GFRA1: variants seen among roughly 807,000 people sequenced by gnomAD.
The protein encoded by GFRA1 is GDNF family receptor alpha-1.
Under a neutral mutation model 51.6 loss-of-function variants are expected in GFRA1, and 16 were observed. The observed-to-expected ratio is 0.31, with a 90% CI of 0.21 to 0.47. GFRA1 has a LOEUF of 0.47. GFRA1 is among the 20% of genes least tolerant of loss of function. The pLI, the probability that GFRA1 is intolerant of heterozygous loss-of-function variation, is 1.00. For synonymous variants in GFRA1, 270 were observed against 241.3 expected (o/e 1.12, Z -1.10); for missense variants, 530 against 594.3 (o/e 0.89, Z 1.13).
At chr10:116,083,103 G>C (rs1010821752) in intron 9 of GFRA1, among the ~76,000 whole-genome samples, 6 of 152,228 alleles carry the variant, frequency 3.9e-5, no homozygotes, top group African/African-American at 1.4e-4. Context: ...AGGCGAGCCA[G>C]GATTCTCACT....
intron 4 of GFRA1, among the ~76,000 whole-genome samples, chr10:116,250,977 A>G (rs879416879): frequency 1.2e-4 from 18 of 152,336 alleles, no homozygotes; most frequent in Admixed American, 1.2e-3. Context: ...GGTGCTCAGA[A>G]TGGCCAGTTC....
intron 5 of GFRA1, among the ~76,000 whole-genome samples, chr10:116,186,168 G>A (rs1186478025): frequency 1.3e-5 from 2 of 152,128 alleles, no homozygotes; most frequent in Admixed American, 6.5e-5. Context: ...AGCCCCCAGC[G>A]CTCACCGGAG....
chr10:116,227,424 C>A (rs760150852), intron 4 of GFRA1, among the ~76,000 whole-genome samples: 4 of 152,194 alleles, frequency 2.6e-5, no homozygotes, highest in Non-Finnish European at 5.9e-5. Flanking sequence ...GTGGCACAGC[C>A]ATGATTCAAA....
At chr10:116,077,840 C>G (rs953331360) in intron 9 of GFRA1, among the ~76,000 whole-genome samples, 2 of 152,188 alleles carry the variant, frequency 1.3e-5, no homozygotes, top group Non-Finnish European at 2.9e-5. Flanking sequence ...CTGCCTTTTG[C>G]CAAGTTCCTG....
chr10:116,254,875 G>C (rs1243345485), intron 4 of GFRA1, among the ~76,000 whole-genome samples: 2 of 152,174 alleles, frequency 1.3e-5, no homozygotes, highest in South Asian at 4.1e-4. Flanking sequence ...AAACCCCAAA[G>C]GAAGTCGTTT....
intron 4 of GFRA1, among the ~76,000 whole-genome samples, chr10:116,251,061 G>A (rs1045006271): frequency 6.6e-6 from 1 of 152,200 alleles, no homozygotes; most frequent in Non-Finnish European, 1.5e-5. Context: ...GTGTAAAAGG[G>A]TCCCCTTCTC....
intron 9 of GFRA1, among the ~76,000 whole-genome samples, chr10:116,084,494 TG>T (rs1376290632): frequency 6.6e-6 from 1 of 152,158 alleles, no homozygotes; most frequent in Non-Finnish European, 1.5e-5. Context: ...CTGCTCGCCC[TG>T]GGGCTGAGCG....
chr10:116,263,244 G>A lies in GFRA1; in HGVS notation c.418+6259C>T, dbSNP rs1421157433. Among the ~76,000 whole-genome samples, 10 of 152,196 alleles carry A rather than the reference G, an allele frequency of 6.6e-5. No homozygotes were observed. The East Asian group carries it at 1.9e-3, about 29-fold the overall frequency. On this transcript the variant is annotated intron_variant, in intron 4 of 10. Transcript: ENST00000355422. ...ATTCTCTGATGGGGCAATGTGGTCT[G>A]CTGAAAAGAGTCCCAGTCTTGAGTC...
At chr10:116,181,618 A>C (rs914058485) in intron 5 of GFRA1, among the ~76,000 whole-genome samples, 5 of 140,664 alleles carry the variant, frequency 3.6e-5, no homozygotes, top group African/African-American at 1.3e-4. Context: ...ATACACAAAA[A>C]TATGAGGTTT....
intron 6 of GFRA1, among the ~76,000 whole-genome samples, chr10:116,106,965 C>T (rs1010553623): frequency 4.6e-5 from 7 of 152,186 alleles, no homozygotes; most frequent in Admixed American, 3.9e-4. Flanking sequence ...CACCGGCAAT[C>T]GCTTTGCCTA....
intron 9 of GFRA1, among the ~76,000 whole-genome samples, chr10:116,082,745 TG>T (rs1955905153): frequency 6.6e-6 from 1 of 152,200 alleles, no homozygotes; most frequent in African/African-American, 2.4e-5. Flanking sequence ...CCCAAAGTGC[TG>T]GGATTACAGG....
At chr10:116,140,538 T>C (rs768970376) in intron 5 of GFRA1, among the ~76,000 whole-genome samples, 23 of 152,102 alleles carry the variant, frequency 1.5e-4, no homozygotes, top group Non-Finnish European at 2.5e-4. Context: ...TGTAAAAAAA[T>C]TGAAAATTAA....
intron 4 of GFRA1, chr10:116,255,507 C>CAAAA: frequency 7.9e-6 from 5 of 636,794 alleles, no homozygotes; most frequent in South Asian, 6.9e-5. Context: ...AAAAAAAAAA[C>CAAAA]AAAAAAAAAA....
At position 116,214,281 on chromosome 10, in the gene GFRA1, G is replaced by A. The variant is rs1279342039; in HGVS notation, c.419-2636C>T. On this transcript the variant is annotated intron_variant, in intron 4 of 10. Coordinates refer to ENST00000355422, the MANE Select transcript of GFRA1 (RefSeq NM_005264.8). ...TCTGTGCTCCTGGAGTAATTTGTGC[G>A]TGTTGCAATTATAGCTCATATTATA... Among the ~76,000 whole-genome samples the A allele has an allele frequency of 3.9e-5, 6 of 152,156 alleles. No individual in the cohort carries two copies. In the South Asian group the frequency reaches 8.3e-4, roughly 21 times the overall value.
chr10:116,264,501 C>T (rs568124436), intron 4 of GFRA1, among the ~76,000 whole-genome samples: 1 of 152,288 alleles, frequency 6.6e-6, no homozygotes, highest in African/African-American at 2.4e-5. Context: ...TAAATAAGTC[C>T]TCTTGATATG....
At chr10:116,173,871 GTT>G (rs1961301534) in intron 5 of GFRA1, among the ~76,000 whole-genome samples, 14 of 96,796 alleles carry the variant, frequency 1.4e-4, no homozygotes, top group Non-Finnish European at 2.5e-4. Context: ...AAGGTCGGGA[GTT>G]CGATCGAGAC....
At chr10:116,244,998 T>C (rs896112858) in intron 4 of GFRA1, among the ~76,000 whole-genome samples, 2 of 152,168 alleles carry the variant, frequency 1.3e-5, no homozygotes, top group Admixed American at 6.5e-5. Context: ...AAACAATAGT[T>C]AGACATTCTA....
At position 116,076,097 on chromosome 10, in the gene GFRA1, T is replaced by G. The variant is rs540851432; in HGVS notation, c.1198-10471A>C. Among the ~76,000 whole-genome samples, 183 of 152,022 alleles carry G rather than the reference T, an allele frequency of 1.2e-3. 1 individual carries two copies. The highest frequency in any genetic ancestry group is 2.3e-3 in the Non-Finnish European group (158 of 68,022). On this transcript the variant is annotated intron_variant, in intron 9 of 10. Transcript: ENST00000355422. Reference sequence around the variant, plus strand: ...ACTGGAGCAAAACAAAGGACGGTATTGCCTCCATTCTCCATGGGACCACAG... The same window carrying G: ...ACTGGAGCAAAACAAAGGACGGTATGGCCTCCATTCTCCATGGGACCACAG...
At chr10:116,163,510 G>C (rs1004961436) in intron 5 of GFRA1, among the ~76,000 whole-genome samples, 3 of 152,172 alleles carry the variant, frequency 2.0e-5, no homozygotes, top group Non-Finnish European at 4.4e-5. Flanking sequence ...CAAACTCCAA[G>C]CAGCATCTTG....
Sources: gnomAD v4.1 joint callset for allele counts (sites outside exome capture counted in the v4.1 genomes callset) on GRCh38, gnomAD v4.1.1 for gene constraint, MANE v1.5 for transcripts, NCBI Gene and HGNC (gene_info 2026-07-23, HGNC 2026-07-21) for gene names.